MALRD1: variants seen among roughly 807,000 people sequenced by gnomAD.
MALRD1 encodes the protein MAM and LDL receptor class A domain containing 1.
Under a neutral mutation model 242.1 loss-of-function variants are expected in MALRD1, and 247 were observed. The ratio of observed to expected loss-of-function variants is 1.02; its 90% CI spans 0.92 to 1.13. The LOEUF (loss-of-function observed/expected upper bound fraction) is 1.13, where lower values mean the gene tolerates loss of function less well. Among genes scored for constraint, MALRD1 ranks in the 50% most tolerant of loss-of-function variants. The pLI is 0.00. For synonymous variants in MALRD1, 995 were observed against 866.6 expected, an observed-to-expected ratio of 1.15 and a Z score of -2.60; for missense variants, 2,989 against 2,533.1, an observed-to-expected ratio of 1.18 and a Z score of -3.86.
At chr10:19,189,268 G>GA (rs1196408631) in intron 14 of MALRD1, among the ~76,000 whole-genome samples, 1 of 152,006 alleles carries the variant, frequency 6.6e-6, no homozygotes, top group African/African-American at 2.4e-5. Context: ...CAAAGAAACA[G>GA]AAAATCTGAA....
At chr10:19,317,116 C>A (rs182296066) in intron 21 of MALRD1, among the ~76,000 whole-genome samples, 23 of 151,502 alleles carry the variant, frequency 1.5e-4, no homozygotes, top group African/African-American at 5.3e-4. Flanking sequence ...ACTGGCTTGG[C>A]TCATTTGGGC....
intron 32 of MALRD1, among the ~76,000 whole-genome samples, chr10:19,539,332 C>T (rs987967608): frequency 2.0e-5 from 3 of 152,114 alleles, no homozygotes; most frequent in Admixed American, 2.0e-4. Flanking sequence ...CTACTCTATC[C>T]TTATAACTAC....
intron 28 of MALRD1, among the ~76,000 whole-genome samples, chr10:19,426,954 G>T (rs893443903): frequency 1.3e-5 from 2 of 152,208 alleles, no homozygotes; most frequent in South Asian, 4.1e-4. Flanking sequence ...TGTGTTGTAT[G>T]TGCATGTCTA....
chr10:19,423,399 T>G (rs1306421630), intron 28 of MALRD1, among the ~76,000 whole-genome samples: 1 of 151,940 alleles, frequency 6.6e-6, no homozygotes, highest in Admixed American at 6.6e-5. Context: ...ATTAAATAAA[T>G]ATTAAATAAT....
intron 36 of MALRD1, among the ~76,000 whole-genome samples, chr10:19,679,379 C>T (rs746920885): frequency 3.3e-5 from 5 of 151,904 alleles, no homozygotes; most frequent in South Asian, 2.1e-4. Flanking sequence ...TTTCTGGTTC[C>T]GTCTTGGCAG....
chr10:19,602,168 TTTTG>T, intron 34 of MALRD1, among the ~76,000 whole-genome samples: 1 of 149,492 alleles, frequency 6.7e-6, no homozygotes. Flanking sequence ...TTTTTTTTTT[TTTTG>T]TCCGTCTTTG....
chr10:19,334,348 A>G (rs527247752), intron 24 of MALRD1, among the ~76,000 whole-genome samples: 1 of 151,756 alleles, frequency 6.6e-6, no homozygotes, highest in Admixed American at 6.6e-5. Flanking sequence ...GTATGATAAA[A>G]GGTAGAGTTC....
At chr10:19,134,090 T>C in intron 9 of MALRD1, 142 bp downstream of exon 9, 1 of 392,738 alleles carries the variant, frequency 2.5e-6, no homozygotes, top group Non-Finnish European at 4.4e-6. Context: ...AGTGATTGCT[T>C]ACTTTTTAAA....
intron 18 of MALRD1, among the ~76,000 whole-genome samples, chr10:19,232,662 A>G (rs1838134525): frequency 6.6e-6 from 1 of 152,214 alleles, no homozygotes; most frequent in Non-Finnish European, 1.5e-5. Flanking sequence ...TCTAAGATTC[A>G]TATTAGCACT....
rs537870609 is a variant in MALRD1, at chr10:19,392,395, G to A, written c.4845+2786G>A. ...ACACTGACTTTAATATTGAAATGAA[G>A]ATCCCCCTTTATCGAGATCTATACA... On this transcript the variant is annotated intron_variant, in intron 28 of 39. Transcript: ENST00000454679. Among the ~76,000 whole-genome samples the A allele has an allele frequency of 3.3e-5, 5 of 151,898 alleles. No homozygotes were observed. In the South Asian group the frequency reaches 1.0e-3, roughly 32 times the overall value.
At chr10:19,533,356 A>G (rs571767427) in intron 32 of MALRD1, among the ~76,000 whole-genome samples, 2 of 152,274 alleles carry the variant, frequency 1.3e-5, no homozygotes, top group East Asian at 3.9e-4. Flanking sequence ...TACTCTGGGA[A>G]GTTTTCAGAG....
chr10:19,098,406 A>G (rs935214526), intron 4 of MALRD1, among the ~76,000 whole-genome samples: 1 of 152,220 alleles, frequency 6.6e-6, no homozygotes, highest in Non-Finnish European at 1.5e-5. Context: ...AGAATTTATT[A>G]ATAAAGACAA....
intron 38 of MALRD1, among the ~76,000 whole-genome samples, chr10:19,729,775 G>A (rs943698675): frequency 8.7e-6 from 1 of 115,378 alleles, no homozygotes; most frequent in African/African-American, 3.4e-5. Flanking sequence ...CTCGCTCTGT[G>A]GCCCAGGCTG....
At chr10:19,318,907 T>G (rs952703988) in intron 21 of MALRD1, among the ~76,000 whole-genome samples, 1 of 151,882 alleles carries the variant, frequency 6.6e-6, no homozygotes, top group Non-Finnish European at 1.5e-5. Context: ...TTTGGGATAT[T>G]TTATCCAGTT....
chr10:19,656,620 A>G (rs1283621680), intron 36 of MALRD1, among the ~76,000 whole-genome samples: 2 of 152,028 alleles, frequency 1.3e-5, no homozygotes, highest in Non-Finnish European at 2.9e-5. Context: ...TTTGCCCTGT[A>G]TATTTATCTG....
intron 38 of MALRD1, among the ~76,000 whole-genome samples, chr10:19,700,258 G>C (rs1306855857): frequency 6.6e-6 from 1 of 152,140 alleles, no homozygotes; most frequent in African/African-American, 2.4e-5. Flanking sequence ...TGACAAAAGA[G>C]AGGGGCATGC....
At chr10:19,515,726 A>ATT (rs1461545356) in intron 31 of MALRD1, among the ~76,000 whole-genome samples, 1 of 151,484 alleles carries the variant, frequency 6.6e-6, no homozygotes, top group African/African-American at 2.4e-5. Context: ...CGCCTGGCTA[A>ATT]TTTTTTTTCT....
chr10:19,385,211 C>T (rs533402764), intron 26 of MALRD1, among the ~76,000 whole-genome samples: 1 of 152,002 alleles, frequency 6.6e-6, no homozygotes, highest in East Asian at 1.9e-4. Context: ...GGGATATTGG[C>T]TGTAGTTTTC....
intron 36 of MALRD1, among the ~76,000 whole-genome samples, chr10:19,646,244 A>G (rs12259525): frequency 0.046 from 7,025 of 152,300 alleles, 218 homozygotes; most frequent in Middle Eastern, 0.095. Context: ...AACTCTCTAC[A>G]CTGTCTGATC....
Sources: allele counts gnomAD v4.1 joint callset (sites outside exome capture counted in the v4.1 genomes callset), GRCh38; gene constraint gnomAD v4.1.1; transcripts MANE v1.5; gene names NCBI Gene and HGNC (gene_info 2026-07-23, HGNC 2026-07-21).